Variants in UGT3A1 observed in about 807,000 individuals in gnomAD.
The protein encoded by UGT3A1 is UDP-glycosyltransferase 3A1.
Under a neutral mutation model 37.6 loss-of-function variants are expected in UGT3A1, and 40 were observed. The ratio of observed to expected loss-of-function variants is 1.06; its 90% CI spans 0.83 to 1.38. The LOEUF is 1.38. Ranked by LOEUF, UGT3A1 falls within the 40% of genes most tolerant of loss-of-function variation. The probability of loss-of-function intolerance (pLI) is 0.00; values close to 1 mark genes in which losing one functional copy is unlikely to be tolerated. For missense variants in UGT3A1, 642 were observed against 634.2 expected (o/e 1.01, Z -0.13); for synonymous variants, 256 against 232.3 (o/e 1.10, Z -0.93).
intron 2 of UGT3A1, among the ~76,000 whole-genome samples, chr5:35,982,339 T>C (rs1319048017): frequency 2.0e-5 from 3 of 152,234 alleles, no homozygotes; most frequent in Non-Finnish European, 2.9e-5. Flanking sequence ...CCATAGGGGC[T>C]ATACCTTGCA....
intron 1 of UGT3A1, among the ~76,000 whole-genome samples, chr5:35,990,132 G>A (rs552681735): frequency 6.6e-6 from 1 of 151,954 alleles, no homozygotes; most frequent in African/African-American, 2.4e-5. Flanking sequence ...TAGTGAAAAC[G>A]GCATCAGAGC....
chr5:35,988,578 T>G (rs751660567), intron 1 of UGT3A1, 27 bp from the exon 2 acceptor site: 2 of 1,552,716 alleles, frequency 1.3e-6, no homozygotes, highest in Non-Finnish European at 1.8e-6. Flanking sequence ...ATGTCTTTTG[T>G]AAAGATGAAA....
chr5:35,960,564 C>G (rs1580920956), intron 4 of UGT3A1, among the ~76,000 whole-genome samples: 1 of 152,208 alleles, frequency 6.6e-6, no homozygotes, highest in Non-Finnish European at 1.5e-5. Context: ...CTTTGGGGCT[C>G]TGGCCCCACA....
In UGT3A1 at chr5:35,954,434, T is replaced by G; in HGVS notation, c.1340A>C (p.Gln447Pro). The change falls in exon 7 of 7, where the codon CAG becomes CCG. Residue 447 changes from glutamine to proline, a missense_variant. Coordinates refer to ENST00000274278, the MANE Select transcript of UGT3A1 (RefSeq NM_152404.4). ...VVAASVILHS[Q>P]PLSPAQRLVG... ...CAGCCGCTGTGCGGGGCTCAGGGGC[T>G]GAGAGTGCAGGATGACACTGGCTGC... is the stretch of plus-strand genomic sequence containing the variant. 6.2e-7 allele frequency: 1 copy of G among 1,614,184 alleles called. No individual in the cohort carries two copies. Among genetic ancestry groups the G allele is most frequent in the Non-Finnish European group, 8.5e-7 (1 of 1,180,032 alleles).
At chr5:35,956,787 C>T (rs1364140878) in intron 5 of UGT3A1, among the ~76,000 whole-genome samples, 2 of 152,116 alleles carry the variant, frequency 1.3e-5, no homozygotes, top group Admixed American at 1.3e-4. Flanking sequence ...CATTACTAAA[C>T]AGGTGGTCAG....
intron 4 of UGT3A1, 87 bp from the exon 5 acceptor site, chr5:35,957,506 A>AT: frequency 9.4e-7 from 1 of 1,060,826 alleles, no homozygotes; most frequent in Non-Finnish European, 1.4e-6. Flanking sequence ...TTTACTAAAC[A>AT]TACCCTCCCA....
In UGT3A1 at chr5:35,968,001, A is replaced by T. The variant is rs1739880457; in HGVS notation, c.311+18T>A. The T allele has an allele frequency of 6.4e-7, 1 of 1,572,932 alleles. No homozygotes were observed. Among genetic ancestry groups the T allele is most frequent in the East Asian group, 2.2e-5 (1 of 44,602 alleles). On this transcript the variant is annotated intron_variant, in intron 3 of 6. Coordinates refer to ENST00000274278, the MANE Select transcript of UGT3A1 (RefSeq NM_152404.4). The stretch of plus-strand genomic sequence containing the variant: ...CTAAAATAGTGACTCTTTGCTTCAT[A>T]GAATGAAAAGAAGTTACCTGCCATC...
At chr5:35,994,333 T>TTGTGTGTGTG (rs35026618), upstream of UGT3A1, among the ~76,000 whole-genome samples, 5,558 of 138,548 alleles carry the variant, frequency 0.04, 133 homozygotes, top group Non-Finnish European at 0.054. Context: ...TTTGTTTTGT[T>TTGTGTGTGTG]TGTGTGTGTG....
upstream of UGT3A1, among the ~76,000 whole-genome samples, chr5:35,993,008 C>T (rs913760760): frequency 3.3e-5 from 5 of 152,030 alleles, no homozygotes; most frequent in African/African-American, 9.7e-5. Flanking sequence ...AAAATTTCAC[C>T]GTGGCAATGC....
At chr5:35,981,754 G>A (rs181165682) in intron 2 of UGT3A1, among the ~76,000 whole-genome samples, 2 of 152,356 alleles carry the variant, frequency 1.3e-5, no homozygotes, top group African/African-American at 4.8e-5. Flanking sequence ...ACCTGCAGAA[G>A]TTTGCATAAG....
upstream of UGT3A1, among the ~76,000 whole-genome samples, chr5:35,996,038 A>G (rs75351643): frequency 6.6e-6 from 1 of 150,802 alleles, no homozygotes. Context: ...AAAAAAAAAA[A>G]GGAGAAATAG....
At chr5:35,985,755 TAGA>T (rs1165943679) in intron 2 of UGT3A1, among the ~76,000 whole-genome samples, 1 of 152,186 alleles carries the variant, frequency 6.6e-6, no homozygotes, top group Admixed American at 6.5e-5. Flanking sequence ...ATGAAACTAC[TAGA>T]AGAAGACATT....
chr5:35,988,650 CATAGGGAAGAGGAA>C, intron 1 of UGT3A1, 99 bp from the exon 2 acceptor site: 2 of 890,788 alleles, frequency 2.2e-6, no homozygotes, highest in Non-Finnish European at 3.5e-6. Flanking sequence ...GCAGAAAAAG[CATAGGGAAGAGGAA>C]ATGTGAACAG....
chr5:35,999,450 C>T (rs1420425491), intron 1 of UGT3A1, among the ~76,000 whole-genome samples: 1 of 152,080 alleles, frequency 6.6e-6, no homozygotes, highest in African/African-American at 2.4e-5. Context: ...CACTTAAAAA[C>T]ATGTTGAAAG....
chr5:35,957,187 C>A lies in UGT3A1; in HGVS notation c.1075+1G>T, dbSNP rs1009828147. On this transcript the variant is annotated splice_donor_variant, in intron 5 of 6. Coordinates refer to ENST00000274278, the MANE Select transcript of UGT3A1 (RefSeq NM_152404.4). LOFTEE classifies it high-confidence loss of function. The stretch of plus-strand genomic sequence containing the variant: ...GAAGAGCAGACCTAAGCAGTCCTTA[C>A]CCAGGAGGTCACTCTGAGGAAGCCA... The A allele has an allele frequency of 6.2e-7, 1 of 1,613,602 alleles. No individual in the cohort carries two copies. The highest frequency in any genetic ancestry group is 8.5e-7 in the Non-Finnish European group (1 of 1,179,752).
intron 2 of UGT3A1, among the ~76,000 whole-genome samples, chr5:35,979,215 C>T (rs1031525054): frequency 4.6e-5 from 7 of 152,182 alleles, no homozygotes; most frequent in African/African-American, 1.7e-4. Flanking sequence ...CACTTGGCTT[C>T]TCCTTACTTA....
At chr5:35,994,061 G>A (rs569878874), upstream of UGT3A1, among the ~76,000 whole-genome samples, 17 of 152,166 alleles carry the variant, frequency 1.1e-4, no homozygotes, top group Admixed American at 4.6e-4. Flanking sequence ...TTTTGTGGGA[G>A]TTTCCACTCA....
At chr5:35,971,463 T>TACAC (rs76860183) in intron 2 of UGT3A1, among the ~76,000 whole-genome samples, 2,439 of 147,874 alleles carry the variant, frequency 0.016, 57 homozygotes, top group East Asian at 0.058. Flanking sequence ...GACACACGCA[T>TACAC]ACACACACAC....
intron 1 of UGT3A1, 35 bp downstream of exon 1, chr5:35,991,112 G>A (rs1166771736): frequency 1.2e-6 from 2 of 1,614,028 alleles, no homozygotes; most frequent in East Asian, 2.2e-5. Flanking sequence ...GATCCGGGAC[G>A]CGCCTGTCTG....
Sources: allele counts gnomAD v4.1 joint callset (sites outside exome capture counted in the v4.1 genomes callset), GRCh38; gene constraint gnomAD v4.1.1; transcripts MANE v1.5; gene names NCBI Gene and HGNC (gene_info 2026-07-23, HGNC 2026-07-21).